ATG16L1: variants seen among roughly 807,000 people sequenced by gnomAD.
ATG16L1 encodes the protein autophagy-related protein 16-1.
Under a neutral mutation model 88.5 loss-of-function variants are expected in ATG16L1, and 37 were observed. The ratio of observed to expected loss-of-function variants is 0.42; its 90% CI spans 0.32 to 0.55. The LOEUF (loss-of-function observed/expected upper bound fraction) is 0.55, where lower values mean the gene tolerates loss of function less well. Ranked by LOEUF, ATG16L1 falls within the 20% of genes least tolerant of loss-of-function variation. ATG16L1 has a pLI of 0.13. For missense variants in ATG16L1, 554 were observed against 752.8 expected (o/e 0.74, Z 3.09); for synonymous variants, 301 against 281.0 (o/e 1.07, Z -0.71).
chr2:233,274,633 C>T (rs1451334178), intron 8 of ATG16L1, 43 bp from the exon 9 acceptor site: 4 of 1,487,634 alleles, frequency 2.7e-6, no homozygotes, highest in Non-Finnish European at 3.7e-6. Flanking sequence ...AGCAGTAAAC[C>T]TCTGCAATCC....
At chr2:233,286,226 G>A (rs147864717) in intron 12 of ATG16L1, among the ~76,000 whole-genome samples, 1 of 152,130 alleles carries the variant, frequency 6.6e-6, no homozygotes, top group African/African-American at 2.4e-5. Flanking sequence ...GAGCAATTTT[G>A]TGTTTAGAAA....
chr2:233,275,879 G>A (rs1407088082), intron 9 of ATG16L1: 2 of 519,214 alleles, frequency 3.9e-6, no homozygotes, highest in Non-Finnish European at 7.7e-6. Flanking sequence ...TTCTGTCAGT[G>A]TGTGTTTCTG....
At chr2:233,292,554 G>T (rs1301655374) in intron 16 of ATG16L1, 120 bp downstream of exon 16, 2 of 1,210,582 alleles carry the variant, frequency 1.7e-6, no homozygotes, top group Non-Finnish European at 2.4e-6. Context: ...TTCCAGGAGT[G>T]TGCCTGTAAG....
intron 17 of ATG16L1, among the ~76,000 whole-genome samples, chr2:233,293,942 C>T (rs901990310): frequency 4.6e-5 from 7 of 152,224 alleles, no homozygotes; most frequent in African/African-American, 1.7e-4. Context: ...CTGCCCGGCT[C>T]TTCAGAGGCA....
chr2:233,270,618 G>T (rs1697930621), intron 6 of ATG16L1, among the ~76,000 whole-genome samples: 1 of 152,162 alleles, frequency 6.6e-6, no homozygotes, highest in Admixed American at 6.5e-5. Flanking sequence ...GTAATGCGGT[G>T]GGGTTTTTGT....
intron 14 of ATG16L1, among the ~76,000 whole-genome samples, chr2:233,291,571 C>G (rs1308900468): frequency 6.6e-6 from 1 of 152,166 alleles, no homozygotes; most frequent in Non-Finnish European, 1.5e-5. Flanking sequence ...AGGGCCCTGC[C>G]CAGGGTGGCT....
chr2:233,266,704 A>C (rs1042570959), intron 5 of ATG16L1, among the ~76,000 whole-genome samples: 3 of 152,250 alleles, frequency 2.0e-5, no homozygotes, highest in Admixed American at 2.0e-4. Context: ...CACCATTCAC[A>C]ATAGCCAAGA....
chr2:233,264,701 C>G (rs2125225967), intron 4 of ATG16L1, among the ~76,000 whole-genome samples, 191 bp from the exon 5 acceptor site: 1 of 152,216 alleles, frequency 6.6e-6, no homozygotes, highest in South Asian at 2.1e-4. Context: ...CGTGTTTTTC[C>G]TAGTCATTAA....
chr2:233,256,511 A>T (rs6758145), intron 2 of ATG16L1, among the ~76,000 whole-genome samples: 27,143 of 151,978 alleles, frequency 0.18, 2,715 homozygotes, highest in African/African-American at 0.27. Context: ...GTTTTTAAAT[A>T]ATCACAGACA....
chr2:233,261,259 G>A (rs1457027479), intron 2 of ATG16L1, among the ~76,000 whole-genome samples: 1 of 152,138 alleles, frequency 6.6e-6, no homozygotes, highest in Non-Finnish European at 1.5e-5. Flanking sequence ...CCGGCCTGTT[G>A]TTAGTTTTTA....
At chr2:233,290,450 A>G in intron 14 of ATG16L1, 97 bp downstream of exon 14, 1 of 1,003,026 alleles carries the variant, frequency 1.0e-6, no homozygotes, top group South Asian at 1.3e-5. Flanking sequence ...GACATGGCAG[A>G]AATGAGTTTC....
chr2:233,259,921 A>G (rs1697090159), intron 2 of ATG16L1, among the ~76,000 whole-genome samples: 1 of 152,158 alleles, frequency 6.6e-6, no homozygotes, highest in East Asian at 1.9e-4. Flanking sequence ...CATTCACTCA[A>G]AAGACTCCTG....
At chr2:233,289,401 G>GTGTGTGTGTGTGTGTGTA (rs1262858533) in intron 12 of ATG16L1, among the ~76,000 whole-genome samples, 6 of 148,832 alleles carry the variant, frequency 4.0e-5, no homozygotes, top group Middle Eastern at 3.4e-3. Context: ...GTGTGTGTGT[G>GTGTGTGTGTGTGTGTGTA]TGTGTGTGAC....
intron 5 of ATG16L1, 41 bp downstream of exon 5, chr2:233,265,184 A>AT: frequency 6.2e-7 from 1 of 1,604,272 alleles, no homozygotes; most frequent in African/African-American, 1.3e-5. Flanking sequence ...CATCCTTAGT[A>AT]GAGTAGAACC....
Position 233,290,102 on chromosome 2 carries a change from G to A in ATG16L1, c.1324+128G>A, listed in dbSNP as rs571461497. 213 of 1,515,254 alleles carry A rather than the reference G, an allele frequency of 1.4e-4. No homozygotes were observed. In the African/African-American group the frequency reaches 2.5e-3, roughly 18 times the overall value. 93.9% of individuals were successfully genotyped at this position (1,515,254 alleles called of 1,614,324 possible). ...TCAGATCTGGCTTCATGTTTAGAGG[G>A]GCACTGAGGATAGTGATAGTTTTTC... On this transcript the variant is annotated intron_variant, in intron 13 of 17. Transcript: ENST00000392017.
chr2:233,254,638 C>T (rs906207524), intron 1 of ATG16L1, among the ~76,000 whole-genome samples: 1 of 152,174 alleles, frequency 6.6e-6, no homozygotes, highest in South Asian at 2.1e-4. Flanking sequence ...TATCACAGGG[C>T]ACTAAGCTTT....
chr2:233,289,742 C>A, intron 12 of ATG16L1, 112 bp from the exon 13 acceptor site: 1 of 1,408,670 alleles, frequency 7.1e-7, no homozygotes, highest in Non-Finnish European at 9.9e-7. Flanking sequence ...CTGGCCGGAT[C>A]TCAGGGTGGT....
At chr2:233,270,150 T>C in intron 6 of ATG16L1, 83 bp downstream of exon 6, 1 of 1,366,020 alleles carries the variant, frequency 7.3e-7, no homozygotes, top group Non-Finnish European at 9.9e-7. Flanking sequence ...TTTTTTTGTT[T>C]GGTTTTTTTT....
Position 233,289,907 on chromosome 2 carries a change from C to G in ATG16L1, c.1257C>G (p.Asp419Glu). Residue 419 changes from aspartate to glutamate, a missense_variant, in exon 13 of 18, where the codon GAC becomes GAG. Asp to Glu is a conservative substitution (Grantham distance 45). Transcript: ENST00000392017. ...GKVLSAKFLL[D>E]NARIVSGSHD... Reference sequence around the variant, plus strand: ...TGCTGTCTGCTAAGTTCCTGCTGGACAATGCGCGGATTGTCTCAGGAAGTC... The same window carrying G: ...TGCTGTCTGCTAAGTTCCTGCTGGAGAATGCGCGGATTGTCTCAGGAAGTC... The G allele has an allele frequency of 6.2e-7, 1 of 1,614,202 alleles. No homozygotes were observed. The highest frequency in any genetic ancestry group is 8.5e-7 in the Non-Finnish European group (1 of 1,180,032).
Sources: allele counts gnomAD v4.1 joint callset (sites outside exome capture counted in the v4.1 genomes callset), GRCh38; gene constraint gnomAD v4.1.1; transcripts MANE v1.5; gene names NCBI Gene and HGNC (gene_info 2026-07-23, HGNC 2026-07-21).